GHR: variants seen among roughly 807,000 people sequenced by gnomAD.
GHR encodes GH receptor.
Under a neutral mutation model 67.1 loss-of-function variants are expected in GHR, and 35 were observed. That is an observed-to-expected ratio of 0.52 (90% CI 0.40 to 0.69). GHR has a LOEUF of 0.69. Ranked by LOEUF, GHR falls within the 30% of genes least tolerant of loss-of-function variation. GHR has a pLI of 0.00. For missense variants in GHR, 792 were observed against 764.6 expected, an observed-to-expected ratio of 1.04 and a Z score of -0.42; for synonymous variants, 272 against 269.1, an observed-to-expected ratio of 1.01 and a Z score of -0.10.
intron 3 of GHR, among the ~76,000 whole-genome samples, chr5:42,632,990 AC>A (rs1395975558): frequency 6.6e-6 from 1 of 152,208 alleles, no homozygotes; most frequent in African/African-American, 2.4e-5. Flanking sequence ...CTGTGGTTGC[AC>A]GTTCTTTGTA....
At chr5:42,656,738 A>C (rs1439998259) in intron 3 of GHR, among the ~76,000 whole-genome samples, 1 of 152,218 alleles carries the variant, frequency 6.6e-6, no homozygotes, top group Non-Finnish European at 1.5e-5. Flanking sequence ...TGGAGCATGC[A>C]AGAGCTTAAT....
intron 2 of GHR, among the ~76,000 whole-genome samples, chr5:42,586,726 C>T (rs11954102): frequency 6.6e-6 from 1 of 152,094 alleles, no homozygotes; most frequent in Non-Finnish European, 1.5e-5. Context: ...GCTCTTCCCC[C>T]ACCCTCACCA....
At chr5:42,645,164 T>G (rs9292856) in intron 3 of GHR, among the ~76,000 whole-genome samples, 23,452 of 152,192 alleles carry the variant, frequency 0.15, 1,971 homozygotes, top group Non-Finnish European at 0.16. Flanking sequence ...GGGTTGATAA[T>G]GAAATACTTG....
intron 1 of GHR, among the ~76,000 whole-genome samples, chr5:42,487,492 T>C (rs1745933455): frequency 6.6e-6 from 1 of 152,186 alleles, no homozygotes; most frequent in Non-Finnish European, 1.5e-5. Context: ...GTTTCATCAG[T>C]AGGATTAAAA....
intron 1 of GHR, among the ~76,000 whole-genome samples, chr5:42,560,477 C>T (rs943970187): frequency 6.6e-6 from 1 of 152,172 alleles, no homozygotes; most frequent in East Asian, 1.9e-4. Context: ...CAGGTGTAAG[C>T]CACCACGCCT....
rs1420410566 is a variant in GHR at position 42,571,713 on chromosome 5, GA to G, written c.70+5770del. On this transcript the variant is annotated intron_variant, in intron 2 of 9. Transcript: ENST00000230882. ...GTTAAATTCACACATGCCAGTGATA[GA>G]GTATATTTCTGGTCTTCCGCCTTAG... is the stretch of plus-strand genomic sequence containing the variant. 3.9e-5 allele frequency among the ~76,000 whole-genome samples: 6 copies of G among 152,324 alleles called. No individual in the cohort carries two copies. The East Asian group carries it at 1.2e-3, about 29-fold the overall frequency.
chr5:42,639,243 A>G (rs1440630098), intron 3 of GHR, among the ~76,000 whole-genome samples: 1 of 152,214 alleles, frequency 6.6e-6, no homozygotes, highest in East Asian at 1.9e-4. Context: ...TGTAGTTTGT[A>G]GATCTTTTAT....
intron 1 of GHR, among the ~76,000 whole-genome samples, chr5:42,490,145 G>A (rs1579806941): frequency 6.6e-6 from 1 of 152,208 alleles, no homozygotes; most frequent in Non-Finnish European, 1.5e-5. Context: ...GATGTTCACA[G>A]AGCTCTAGCA....
chr5:42,685,259 C>A (rs1757082229), intron 3 of GHR, among the ~76,000 whole-genome samples: 1 of 152,130 alleles, frequency 6.6e-6, no homozygotes, highest in Non-Finnish European at 1.5e-5. Context: ...CATGTCCCTG[C>A]AAAGAACATG....
intron 1 of GHR, among the ~76,000 whole-genome samples, chr5:42,527,507 C>A (rs1384427964): frequency 6.6e-6 from 1 of 152,084 alleles, no homozygotes; most frequent in South Asian, 2.1e-4. Context: ...AACAAGAAGA[C>A]CTAACTACCC....
chr5:42,583,416 A>G (rs948551482), intron 2 of GHR, among the ~76,000 whole-genome samples: 2 of 152,204 alleles, frequency 1.3e-5, no homozygotes, highest in African/African-American at 2.4e-5. Context: ...AAACATCGGC[A>G]TTAATCTATT....
rs918680235 is a variant in GHR at position 42,720,658 on chromosome 5, A to G, written c.*1234A>G. 1.3e-5 allele frequency: 2 copies of G among 152,230 alleles called. No homozygotes were observed. The highest frequency in any genetic ancestry group is 2.9e-5 in the Non-Finnish European group (2 of 68,026). 9.4% of individuals were successfully genotyped at this position (152,230 alleles called of 1,614,324 possible). A position where few individuals can be genotyped will look rare whatever the true frequency, so the allele number is the denominator to read the frequency against. On this transcript the variant is annotated 3_prime_UTR_variant, in exon 10 of 10. Coordinates refer to ENST00000230882, the MANE Select transcript of GHR (RefSeq NM_000163.5). ...ACCAGACACATACTCATTTTTCATG[A>G]TAATGAACAGAACATAGACAGAAGA...
chr5:42,649,275 G>A (rs1407030601), intron 3 of GHR, among the ~76,000 whole-genome samples: 1 of 152,128 alleles, frequency 6.6e-6, no homozygotes, highest in Non-Finnish European at 1.5e-5. Flanking sequence ...ATGCAGTGTA[G>A]TGAGTCACTA....
intron 1 of GHR, among the ~76,000 whole-genome samples, chr5:42,507,209 AG>A (rs1407031637): frequency 1.3e-5 from 2 of 152,236 alleles, no homozygotes; most frequent in Non-Finnish European, 2.9e-5. Context: ...TTACAGTTTC[AG>A]GGTCATAGTT....
At chr5:42,597,550 G>A (rs1276167670) in intron 2 of GHR, among the ~76,000 whole-genome samples, 1 of 152,132 alleles carries the variant, frequency 6.6e-6, no homozygotes, top group Non-Finnish European at 1.5e-5. Context: ...CAGTGCCAGG[G>A]TCGAGGAAAG....
intron 2 of GHR, among the ~76,000 whole-genome samples, chr5:42,573,335 G>A (rs1750441139): frequency 6.6e-6 from 1 of 152,072 alleles, no homozygotes; most frequent in African/African-American, 2.4e-5. Flanking sequence ...GCTTTTCCGG[G>A]GGATGGAATG....
intron 3 of GHR, among the ~76,000 whole-genome samples, chr5:42,641,760 G>C (rs1396437000): frequency 6.6e-6 from 1 of 152,102 alleles, no homozygotes; most frequent in Non-Finnish European, 1.5e-5. Flanking sequence ...GAATAATCTT[G>C]GTTAATCCAT....
In GHR at chr5:42,715,906, C is replaced by T. The variant is rs79557634; in HGVS notation, c.876-2146C>T. ...CCACCATCCTCATTCCTCCTAATGA[C>T]TTTGCAACTGGCTTGCTTTATTCCT... On this transcript the variant is annotated intron_variant, in intron 8 of 9. Coordinates refer to ENST00000230882, the MANE Select transcript of GHR (RefSeq NM_000163.5). 9.1e-3 allele frequency among the ~76,000 whole-genome samples: 1,388 copies of T among 152,296 alleles called. 21 individuals carry two copies. Among genetic ancestry groups the T allele is most frequent in the African/African-American group, 0.032 (1,326 of 41,556 alleles).
In GHR at chr5:42,476,038, G is replaced by A. The variant is rs539515734; in HGVS notation, c.-12+52083G>A. ...TCCTGCCTCAGCCTCCCGAGTAGCT[G>A]GAACTACAGGCGCCAACCACCATGC... On this transcript the variant is annotated intron_variant, in intron 1 of 9. Coordinates refer to ENST00000230882, the MANE Select transcript of GHR (RefSeq NM_000163.5). Among the ~76,000 whole-genome samples, 3 of 151,768 alleles carry A rather than the reference G, an allele frequency of 2.0e-5. No individual in the cohort carries two copies. The East Asian group carries it at 5.8e-4, about 30-fold the overall frequency.
Sources: gnomAD v4.1 joint callset for allele counts (sites outside exome capture counted in the v4.1 genomes callset) on GRCh38, gnomAD v4.1.1 for gene constraint, MANE v1.5 for transcripts, NCBI Gene and HGNC (gene_info 2026-07-23, HGNC 2026-07-21) for gene names.